MTRF1: variants seen among roughly 807,000 people sequenced by gnomAD.
MTRF1 encodes mitochondrial translation release factor 1.
In MTRF1, 51 loss-of-function variants were observed where a neutral mutation model predicts 62.9. That is an observed-to-expected ratio of 0.81 (90% confidence interval 0.65 to 1.02). MTRF1 has a LOEUF of 1.02. Among genes scored for constraint, MTRF1 ranks in the 50% least tolerant of loss-of-function variants. The pLI is 0.00. For missense variants in MTRF1, 446 were observed against 530.0 expected, an observed-to-expected ratio of 0.84 and a Z score of 1.56; for synonymous variants, 158 against 181.9, an observed-to-expected ratio of 0.87 and a Z score of 1.06.
rs138656666 is a variant in MTRF1, at chr13:41,242,554, C to T, written c.698-2121G>A. On this transcript the variant is annotated intron_variant, in intron 5 of 9. Transcript: ENST00000379480. Reference sequence around the variant, plus strand: ...TTCAGTGGCCAGAAATAGGAAATACCTCATGAGTTCATATGATGTTGAGAC... The same window carrying T: ...TTCAGTGGCCAGAAATAGGAAATACTTCATGAGTTCATATGATGTTGAGAC... 3.0e-3 allele frequency among the ~76,000 whole-genome samples: 458 copies of T among 152,228 alleles called. 1 individual carries two copies. Among genetic ancestry groups the T allele is most frequent in the Middle Eastern group, 0.014 (4 of 294 alleles).
chr13:41,252,645 C>A lies in MTRF1; in HGVS notation c.697G>T (p.Gly233Cys). 1 of 1,606,614 alleles carries A rather than the reference C, an allele frequency of 6.2e-7. No individual in the cohort carries two copies. Among genetic ancestry groups the A allele is most frequent in the East Asian group, 2.2e-5 (1 of 44,714 alleles). ...ELLNYTPADY[G>C]GLHHAAARIS... Reference sequence around the variant, plus strand: ...CAGGCAAATTCCTCAATATGCCTACCATAATCTGCTGGTGTATAATTCAGA... The same window carrying A: ...CAGGCAAATTCCTCAATATGCCTACAATAATCTGCTGGTGTATAATTCAGA... Residue 233 changes from glycine to cysteine, a missense_variant and splice_region_variant, in exon 5 of 10, where the codon GGT (glycine) becomes TGT (cysteine). By Grantham distance (159) the Gly-to-Cys change is radical. Transcript: ENST00000379480.
chr13:41,253,565 G>C (rs1320132372), intron 3 of MTRF1, among the ~76,000 whole-genome samples: 4 of 152,160 alleles, frequency 2.6e-5, no homozygotes, highest in African/African-American at 9.7e-5. Flanking sequence ...GAAAGAAAAA[G>C]GGCTTCCTAA....
chr13:41,301,395 C>G, the MTRF1 span, among the ~76,000 whole-genome samples: 12 of 152,064 alleles, frequency 7.9e-5, no homozygotes, highest in Admixed American at 7.9e-4. Flanking sequence ...AGCTTATGTA[C>G]CTGTTTTCAG....
chr13:41,273,867 AC>A, the MTRF1 span, among the ~76,000 whole-genome samples: 4 of 149,980 alleles, frequency 2.7e-5, no homozygotes, highest in Admixed American at 2.6e-4. Flanking sequence ...TAAGCTGAAC[AC>A]TGATTTGGTC....
chr13:41,300,719 G>T, the MTRF1 span, among the ~76,000 whole-genome samples: 2 of 152,096 alleles, frequency 1.3e-5, no homozygotes, highest in Non-Finnish European at 2.9e-5. Context: ...CTTACCAGTG[G>T]TTTTTAAAGC....
At chr13:41,249,619 CTTTTTTTTTTTTTTTTTT>C (rs1166204914) in intron 5 of MTRF1, among the ~76,000 whole-genome samples, 246 of 61,606 alleles carry the variant, frequency 4.0e-3, no homozygotes, top group Middle Eastern at 0.033. Flanking sequence ...ATTTTTTTTT[CTTTTTTTTTTTTTTTTTT>C]TTTTTTTGGA....
chr13:41,266,808 C>T (rs371296817), upstream of MTRF1, among the ~76,000 whole-genome samples: 8 of 151,992 alleles, frequency 5.3e-5, no homozygotes, highest in East Asian at 3.9e-4. Flanking sequence ...CTGGCTAACA[C>T]GGTGAAACCC....
the MTRF1 span, among the ~76,000 whole-genome samples, chr13:41,274,164 A>G: frequency 1.3e-5 from 2 of 152,212 alleles, no homozygotes; most frequent in Non-Finnish European, 2.9e-5. Flanking sequence ...CAATGGGAAT[A>G]CACACAAACC....
At chr13:41,288,921 A>G in the MTRF1 span, among the ~76,000 whole-genome samples, 1 of 152,202 alleles carries the variant, frequency 6.6e-6, no homozygotes, top group Non-Finnish European at 1.5e-5. Flanking sequence ...AAAAGGAGAC[A>G]AGAGCCTTGA....
intron 5 of MTRF1, among the ~76,000 whole-genome samples, chr13:41,247,765 A>ACT (rs1407231666): frequency 6.6e-6 from 1 of 152,094 alleles, no homozygotes; most frequent in East Asian, 1.9e-4. Flanking sequence ...TGGGGATTCT[A>ACT]CCAGCTGCTG....
At chr13:41,283,232 A>G in the MTRF1 span, among the ~76,000 whole-genome samples, 11 of 152,162 alleles carry the variant, frequency 7.2e-5, no homozygotes, top group Non-Finnish European at 1.6e-4. Flanking sequence ...CCTTCCTTGT[A>G]TTCCTCAGGT....
At chr13:41,220,324 GAAAAAAAAAAA>G (rs1249229258) in intron 9 of MTRF1, among the ~76,000 whole-genome samples, 1 of 32,660 alleles carries the variant, frequency 3.1e-5, no homozygotes, top group Non-Finnish European at 7.1e-5. Flanking sequence ...ATCTGTCTCG[GAAAAAAAAAAA>G]AAAAAAAAAA....
chr13:41,246,297 C>A (rs1023192733), intron 5 of MTRF1, among the ~76,000 whole-genome samples: 5 of 151,884 alleles, frequency 3.3e-5, no homozygotes. Flanking sequence ...TCAATGCTAT[C>A]CATGGGTTTT....
chr13:41,224,389 T>C (rs1005421715), intron 8 of MTRF1, among the ~76,000 whole-genome samples: 1 of 152,208 alleles, frequency 6.6e-6, no homozygotes, highest in African/African-American at 2.4e-5. Context: ...GCTGTCACTT[T>C]TTAAAATAAG....
chr13:41,267,278 T>G (rs917480744), upstream of MTRF1, among the ~76,000 whole-genome samples: 12 of 152,220 alleles, frequency 7.9e-5, no homozygotes, highest in African/African-American at 2.9e-4. Flanking sequence ...CTGTATCTCC[T>G]GTAAACTGGT....
At chr13:41,279,622 C>T in the MTRF1 span, among the ~76,000 whole-genome samples, 1 of 151,992 alleles carries the variant, frequency 6.6e-6, no homozygotes, top group African/African-American at 2.4e-5. Context: ...TTATTTGACC[C>T]TATATATCAT....
the MTRF1 span, among the ~76,000 whole-genome samples, chr13:41,309,191 CCTT>C: frequency 6.6e-6 from 1 of 151,824 alleles, no homozygotes; most frequent in Non-Finnish European, 1.5e-5. Context: ...GTGCATGTGT[CCTT>C]TTTTTTTTTG....
At chr13:41,227,649 G>C (rs1412418810) in intron 7 of MTRF1, among the ~76,000 whole-genome samples, 1 of 152,178 alleles carries the variant, frequency 6.6e-6, no homozygotes. Context: ...AGAGGAGAAA[G>C]GGATTTTCTT....
rs561252015 is a variant in MTRF1, at chr13:41,260,915, T to A, written c.-8A>T. 6.3e-7 allele frequency: 1 copy of A among 1,581,928 alleles called. No homozygotes were observed. Among genetic ancestry groups the A allele is most frequent in the East Asian group, 2.3e-5 (1 of 44,342 alleles). Reference sequence around the variant, plus strand: ...ACACAGGTGACGATTCATCTCAGCATCTGAAATACAATAAACACAGTCTTT... The same window carrying A: ...ACACAGGTGACGATTCATCTCAGCAACTGAAATACAATAAACACAGTCTTT... On this transcript the variant is annotated splice_region_variant and 5_prime_UTR_variant, in exon 2 of 10. It removes an upstream start codon present in the reference 5' UTR. Coordinates refer to ENST00000379480, the MANE Select transcript of MTRF1 (RefSeq NM_004294.4).
Sources: allele counts gnomAD v4.1 joint callset (sites outside exome capture counted in the v4.1 genomes callset), GRCh38; gene constraint gnomAD v4.1.1; transcripts MANE v1.5; gene names NCBI Gene and HGNC (gene_info 2026-07-23, HGNC 2026-07-21).